Variants in FAM107B observed in about 807,000 individuals in gnomAD.
The protein encoded by FAM107B is family with sequence similarity 107 member B.
FAM107B carries 21 observed loss-of-function variants against 31.5 expected under a neutral mutation model. The ratio of observed to expected loss-of-function variants is 0.67; its 90% CI spans 0.47 to 0.96. The LOEUF (loss-of-function observed/expected upper bound fraction) is 0.96, where lower values mean the gene tolerates loss of function less well. FAM107B is among the 40% of genes least tolerant of loss of function. The pLI is 0.00. For synonymous variants in FAM107B, 157 were observed against 141.5 expected (o/e 1.11, Z -0.78); for missense variants, 452 against 377.1 (o/e 1.20, Z -1.64).
At chr10:14,634,875 T>C (rs2131423630) in intron 2 of FAM107B, among the ~76,000 whole-genome samples, 1 of 152,064 alleles carries the variant, frequency 6.6e-6, no homozygotes, top group East Asian at 1.9e-4. Flanking sequence ...AGATCACTTG[T>C]GGTCAGGAGT....
At chr10:14,640,141 A>G (rs539946601) in intron 2 of FAM107B, among the ~76,000 whole-genome samples, 1 of 152,206 alleles carries the variant, frequency 6.6e-6, no homozygotes, top group Non-Finnish European at 1.5e-5. Context: ...TGCATTTATT[A>G]ATTCATTTAA....
At chr10:14,656,471 T>C (rs1338012489) in intron 2 of FAM107B, among the ~76,000 whole-genome samples, 3 of 152,192 alleles carry the variant, frequency 2.0e-5, no homozygotes, top group Non-Finnish European at 4.4e-5. Flanking sequence ...ACCTTCCATG[T>C]CATCAGAATG....
intron 2 of FAM107B, among the ~76,000 whole-genome samples, chr10:14,610,975 A>C (rs1018525038): frequency 5.9e-5 from 9 of 152,234 alleles, no homozygotes; most frequent in African/African-American, 9.6e-5. Flanking sequence ...ACAATTTTAA[A>C]ATCAAAGGGA....
chr10:14,658,285 G>A (rs1854125496), intron 2 of FAM107B, among the ~76,000 whole-genome samples: 1 of 152,200 alleles, frequency 6.6e-6, no homozygotes, highest in African/African-American at 2.4e-5. Flanking sequence ...ACCCCCAGGA[G>A]CATTTCCCCT....
intron 1 of FAM107B, among the ~76,000 whole-genome samples, chr10:14,701,912 A>C (rs1356005782): frequency 6.6e-6 from 1 of 152,258 alleles, no homozygotes; most frequent in Non-Finnish European, 1.5e-5. Flanking sequence ...CTCCTTGGCC[A>C]AGAAAATCTA....
intron 2 of FAM107B, among the ~76,000 whole-genome samples, chr10:14,657,274 GT>G (rs1854085880): frequency 6.6e-6 from 1 of 152,212 alleles, no homozygotes; most frequent in Non-Finnish European, 1.5e-5. Flanking sequence ...GAATGACAGG[GT>G]TTCCAAACCC....
chr10:14,673,073 A>G (rs768502234), intron 1 of FAM107B, among the ~76,000 whole-genome samples: 2 of 152,240 alleles, frequency 1.3e-5, no homozygotes, highest in African/African-American at 2.4e-5. Flanking sequence ...TACATGTGAA[A>G]TGAGCAAAGC....
chr10:14,552,654 T>C (rs552706940), intron 2 of FAM107B, among the ~76,000 whole-genome samples: 3 of 152,158 alleles, frequency 2.0e-5, no homozygotes, highest in South Asian at 2.1e-4. Context: ...ATGGGCAACA[T>C]AGCCAAACTC....
At chr10:14,750,401 C>T (rs1020606113) in intron 1 of FAM107B, among the ~76,000 whole-genome samples, 1 of 152,146 alleles carries the variant, frequency 6.6e-6, no homozygotes, top group Non-Finnish European at 1.5e-5. Context: ...CATTTGAGGT[C>T]GGGAGTTCAA....
intron 2 of FAM107B, among the ~76,000 whole-genome samples, chr10:14,631,999 A>C (rs1853366814): frequency 6.6e-6 from 1 of 152,136 alleles, no homozygotes; most frequent in Non-Finnish European, 1.5e-5. Context: ...GAATCCTCTG[A>C]TAAAATTAAG....
At chr10:14,727,017 T>C (rs1856050294) in intron 1 of FAM107B, among the ~76,000 whole-genome samples, 1 of 151,686 alleles carries the variant, frequency 6.6e-6, no homozygotes, top group African/African-American at 2.4e-5. Flanking sequence ...CAGTTACAGA[T>C]CATCAGGCAT....
At chr10:14,638,283 G>GT (rs34784437) in intron 2 of FAM107B, among the ~76,000 whole-genome samples, 9,326 of 146,012 alleles carry the variant, frequency 0.064, 300 homozygotes, top group East Asian at 0.088. Flanking sequence ...GCCTGCTAAG[G>GT]TTTTTTTTTT....
chr10:14,723,953 C>T, intron 1 of FAM107B: 4 of 749,228 alleles, frequency 5.3e-6, no homozygotes, highest in South Asian at 1.3e-5. Context: ...ATGTGCTGTT[C>T]CATTTGGAAG....
intron 1 of FAM107B, among the ~76,000 whole-genome samples, chr10:14,702,118 A>G (rs1035738024): frequency 6.6e-6 from 1 of 152,262 alleles, no homozygotes; most frequent in African/African-American, 2.4e-5. Flanking sequence ...TTTGTTCCAC[A>G]AACGAGTGCA....
chr10:14,667,173 A>T (rs1300825531), intron 2 of FAM107B, among the ~76,000 whole-genome samples: 1 of 152,214 alleles, frequency 6.6e-6, no homozygotes, highest in Non-Finnish European at 1.5e-5. Context: ...TTCTTTCCTC[A>T]TTAACTCATA....
intron 2 of FAM107B, among the ~76,000 whole-genome samples, chr10:14,574,843 G>A (rs751674723): frequency 2.0e-5 from 3 of 152,078 alleles, no homozygotes; most frequent in African/African-American, 2.4e-5. Flanking sequence ...AAATCTCTTC[G>A]TAATTCGTGT....
At chr10:14,548,769 G>T in intron 2 of FAM107B, 1 of 435,492 alleles carries the variant, frequency 2.3e-6, no homozygotes, top group Non-Finnish European at 3.1e-6. Context: ...GGGAAGAGGG[G>T]ATGGCAACGG....
intron 2 of FAM107B, among the ~76,000 whole-genome samples, chr10:14,655,294 T>C (rs1854017181): frequency 6.6e-6 from 1 of 152,238 alleles, no homozygotes. Flanking sequence ...ACATGAGATT[T>C]GGAGGGGACA....
intron 1 of FAM107B, among the ~76,000 whole-genome samples, chr10:14,735,772 G>T (rs976511947): frequency 2.6e-5 from 4 of 152,104 alleles, no homozygotes; most frequent in Non-Finnish European, 4.4e-5. Context: ...AACTCCCAGG[G>T]ATCTGCGATT....
Sources: gnomAD v4.1 joint callset for allele counts (sites outside exome capture counted in the v4.1 genomes callset) on GRCh38, gnomAD v4.1.1 for gene constraint, MANE v1.5 for transcripts, NCBI Gene and HGNC (gene_info 2026-07-23, HGNC 2026-07-21) for gene names.